The following SMCO4 variants were observed in gnomAD, a reference collection of about 807,000 sequenced individuals.
SMCO4 encodes single-pass membrane protein with coiled-coil domains 4.
SMCO4 carries 4 observed loss-of-function variants against 3.6 expected under a neutral mutation model. That is an observed-to-expected ratio of 1.11 (90% CI 0.54 to 2.53). The LOEUF (loss-of-function observed/expected upper bound fraction) is 2.53. Ranked by LOEUF, SMCO4 falls within the 30% of genes most tolerant of loss-of-function variation. SMCO4 has a pLI of 0.02. For synonymous variants in SMCO4, 36 were observed against 35.3 expected (o/e 1.02, Z -0.07); for missense variants, 70 against 80.8 (o/e 0.87, Z 0.51).
chr11:93,481,680 C>T (rs1417268464), intron 2 of SMCO4, among the ~76,000 whole-genome samples: 4 of 152,230 alleles, frequency 2.6e-5, no homozygotes, highest in Non-Finnish European at 5.9e-5. Context: ...GAGCAATGGA[C>T]AGCATTCCTG....
chr11:93,500,976 G>A (rs1479323982), intron 1 of SMCO4, among the ~76,000 whole-genome samples: 5 of 152,204 alleles, frequency 3.3e-5, no homozygotes. Context: ...AACAGCGACA[G>A]GGACACCAGC....
At chr11:93,541,281 A>C (rs1290583141) in intron 1 of SMCO4, among the ~76,000 whole-genome samples, 4 of 152,156 alleles carry the variant, frequency 2.6e-5, no homozygotes, top group Non-Finnish European at 5.9e-5. Flanking sequence ...TGGAGGGGAC[A>C]CAGATGATTG....
chr11:93,482,120 G>A (rs1376004958), intron 2 of SMCO4, among the ~76,000 whole-genome samples: 2 of 152,260 alleles, frequency 1.3e-5, no homozygotes, highest in Non-Finnish European at 2.9e-5. Flanking sequence ...ATGCCCGTCT[G>A]AATCCTGGGT....
rs1948551158 is a variant in SMCO4 at position 93,478,784 on chromosome 11, A to G, written c.*226T>C. ...GCGCGCTTTGAAGTCTGAAAGGCAC[A>G]TGAAGTGGACCATAAGGTGTATGGC... On this transcript the variant is annotated 3_prime_UTR_variant, in exon 3 of 3. Transcript: ENST00000298966. The G allele has an allele frequency of 7.6e-7, 1 of 1,311,146 alleles. No homozygotes were observed. The highest frequency in any genetic ancestry group is 9.8e-7 in the Non-Finnish European group (1 of 1,016,518). The allele number at this position is 1,311,146 out of a possible 1,614,324, so 81.2% of individuals were successfully genotyped here. A position where few individuals can be genotyped will look rare whatever the true frequency, so the allele number is the denominator to read the frequency against.
intron 1 of SMCO4, among the ~76,000 whole-genome samples, chr11:93,528,914 T>A (rs1031542709): frequency 6.6e-6 from 1 of 152,152 alleles, no homozygotes. Flanking sequence ...ATACATCCTG[T>A]CCATCAACAA....
upstream of SMCO4, among the ~76,000 whole-genome samples, chr11:93,545,588 CAAAAA>C (rs143549634): frequency 6.6e-4 from 57 of 85,992 alleles, no homozygotes; most frequent in African/African-American, 2.2e-3. Context: ...AACTCTGTCT[CAAAAA>C]AAAAAAAAAA....
intron 2 of SMCO4, among the ~76,000 whole-genome samples, chr11:93,486,846 T>C (rs905758176): frequency 5.3e-5 from 8 of 152,206 alleles, no homozygotes; most frequent in Admixed American, 5.2e-4. Context: ...TTCTCAATGC[T>C]GTTCTCCTTT....
upstream of SMCO4, among the ~76,000 whole-genome samples, chr11:93,543,931 A>C (rs1175639443): frequency 6.6e-6 from 1 of 152,198 alleles, no homozygotes; most frequent in African/African-American, 2.4e-5. Flanking sequence ...TGTTTTTTGT[A>C]ACTTACACGT....
At chr11:93,507,220 C>T (rs1948914768) in intron 1 of SMCO4, among the ~76,000 whole-genome samples, 1 of 152,132 alleles carries the variant, frequency 6.6e-6, no homozygotes, top group Non-Finnish European at 1.5e-5. Context: ...GCCTGAACAA[C>T]ATGGTGAAAC....
intron 1 of SMCO4, among the ~76,000 whole-genome samples, chr11:93,539,304 G>A (rs1591332164): frequency 6.6e-6 from 1 of 151,620 alleles, no homozygotes; most frequent in South Asian, 2.1e-4. Context: ...AAAAATGAAG[G>A]GTCATAAATT....
chr11:93,510,147 G>A (rs1948944345), intron 1 of SMCO4, among the ~76,000 whole-genome samples: 1 of 152,200 alleles, frequency 6.6e-6, no homozygotes, highest in Non-Finnish European at 1.5e-5. Flanking sequence ...GAGCATCATG[G>A]ACTCTGAGTA....
At chr11:93,531,498 T>C (rs887404536) in intron 1 of SMCO4, among the ~76,000 whole-genome samples, 1 of 152,224 alleles carries the variant, frequency 6.6e-6, no homozygotes, top group Middle Eastern at 3.2e-3. Context: ...CTCTTAGGAC[T>C]TCTTAACCTT....
At chr11:93,542,964 C>T (rs547841435) in intron 1 of SMCO4, among the ~76,000 whole-genome samples, 19 of 152,108 alleles carry the variant, frequency 1.2e-4, no homozygotes, top group African/African-American at 4.3e-4. Flanking sequence ...CGCCCGGCCC[C>T]GCGGGCTCGC....
At chr11:93,530,032 G>T (rs1487599293) in intron 1 of SMCO4, among the ~76,000 whole-genome samples, 2 of 152,250 alleles carry the variant, frequency 1.3e-5, no homozygotes, top group East Asian at 3.8e-4. Context: ...AATGTGGCCT[G>T]CTGACCAGGA....
rs199941859 is a variant in SMCO4, at chr11:93,519,614, A to AG, written c.-153-20267dup. Among the ~76,000 whole-genome samples, 528 of 152,340 alleles carry AG rather than the reference A, an allele frequency of 3.5e-3. 2 individuals carry two copies. The highest frequency in any genetic ancestry group is 0.012 in the African/African-American group (514 of 41,578). ...CAAAATATAAAACTACACCAAGATG[A>AG]GCTCTGGTGAGCTCTTTAAAAGTTC... On this transcript the variant is annotated intron_variant, in intron 1 of 2. Transcript: ENST00000298966.
At chr11:93,534,927 A>G (rs1366019822) in intron 1 of SMCO4, among the ~76,000 whole-genome samples, 2 of 152,204 alleles carry the variant, frequency 1.3e-5, no homozygotes, top group East Asian at 1.9e-4. Flanking sequence ...GCACCACAAT[A>G]TTCCCATAGC....
chr11:93,509,368 G>A (rs898882327), intron 1 of SMCO4, among the ~76,000 whole-genome samples: 6 of 151,952 alleles, frequency 3.9e-5, no homozygotes, highest in Admixed American at 3.3e-4. Context: ...AGCAATTATG[G>A]GAATGCAAAC....
rs183630598 is a variant in SMCO4, at chr11:93,490,843, G to A, written c.-81+8433C>T. ...TGGGGCAGGGAACGCTCTATCTCCC[G>A]GAGAAACCAAGCAGGGTCTGAAAGA... On this transcript the variant is annotated intron_variant, in intron 2 of 2. Transcript: ENST00000298966. Among the ~76,000 whole-genome samples, 155 of 152,326 alleles carry A rather than the reference G, an allele frequency of 1.0e-3. 1 individual carries two copies. Among genetic ancestry groups the A allele is most frequent in the African/African-American group, 3.5e-3 (147 of 41,564 alleles).
intron 1 of SMCO4, among the ~76,000 whole-genome samples, chr11:93,500,309 C>T (rs187471821): frequency 1.1e-3 from 165 of 152,276 alleles, no homozygotes; most frequent in African/African-American, 3.8e-3. Context: ...TGACTTTGTT[C>T]ATGTTAGTGG....
Sources: gnomAD v4.1 joint callset for allele counts (sites outside exome capture counted in the v4.1 genomes callset) on GRCh38, gnomAD v4.1.1 for gene constraint, MANE v1.5 for transcripts, NCBI Gene and HGNC (gene_info 2026-07-23, HGNC 2026-07-21) for gene names.